ABCA13: variants seen among roughly 807,000 people sequenced by gnomAD.
ABCA13 encodes the protein ATP binding cassette subfamily A member 13.
In ABCA13, 476 loss-of-function variants were observed where a neutral mutation model predicts 478.7. The ratio of observed to expected loss-of-function variants is 0.99; its 90% CI spans 0.92 to 1.07. The LOEUF (loss-of-function observed/expected upper bound fraction) is 1.07, where lower values mean the gene tolerates loss of function less well. Among genes scored for constraint, ABCA13 ranks in the 50% least tolerant of loss-of-function variants. ABCA13 has a pLI of 0.00. For synonymous variants in ABCA13, 2,252 were observed against 2,158.9 expected (o/e 1.04, Z -1.20); for missense variants, 6,060 against 5,910.6 (o/e 1.03, Z -0.83).
At chr7:48,355,633 G>A (rs1809775807) in intron 31 of ABCA13, among the ~76,000 whole-genome samples, 1 of 152,004 alleles carries the variant, frequency 6.6e-6, no homozygotes, top group African/African-American at 2.4e-5. Flanking sequence ...AGAGATGATG[G>A]TGGCTTGGTC....
chr7:48,511,130 C>T lies in ABCA13; in HGVS notation c.13571C>T (p.Ala4524Val), dbSNP rs1349726465. 3.1e-6 allele frequency: 5 copies of T among 1,613,674 alleles called. No homozygotes were observed. The highest frequency in any genetic ancestry group is 4.5e-5 in the East Asian group (2 of 44,852). The change falls in exon 51 of 62, where the codon GCC (alanine) becomes GTC (valine). Residue 4524 changes from alanine (A) to valine (V), a missense_variant. Around this residue, in one of 3 missense-constraint regions of ABCA13, gnomAD observed 1,627 missense variants for 1,571.0 expected, o/e 1.04. Transcript: ENST00000435803. ...TGCCTGTGTGTTGCCGTTATTGTCG[C>T]CTTCCAGTTAACAGCTTTTACTTTC... ...SVCLCVAVIVAFQLTAFTFRK... is the reference protein window; with the variant it reads ...SVCLCVAVIVVFQLTAFTFRK...
At chr7:48,530,576 A>C (rs1213811377) in intron 55 of ABCA13, among the ~76,000 whole-genome samples, 1 of 152,170 alleles carries the variant, frequency 6.6e-6, no homozygotes, top group Non-Finnish European at 1.5e-5. Context: ...ACTGTTTTCT[A>C]TAGTGGTTGT....
At chr7:48,445,231 ACTC>A (rs1182740243) in intron 42 of ABCA13, among the ~76,000 whole-genome samples, 1 of 150,348 alleles carries the variant, frequency 6.7e-6, no homozygotes, top group African/African-American at 2.4e-5. Context: ...CTGGTCTTGA[ACTC>A]CTGACCTCAG....
intron 57 of ABCA13, among the ~76,000 whole-genome samples, chr7:48,588,711 C>A (rs1789441761): frequency 1.3e-5 from 2 of 152,188 alleles, no homozygotes; most frequent in African/African-American, 4.8e-5. Flanking sequence ...CTACATTAAG[C>A]ATATAGCCCA....
At position 48,645,484 on chromosome 7, in the gene ABCA13, G is replaced by A. The variant is rs887618250; in HGVS notation, c.15149G>A (p.Ser5050Asn). ...LQSTLDPSTD[S>N]HHTHHLPI ...TCTACTCTTGATCCATCCACTGACA[G>A]TCACCACACACATCACTTGCCCATC... is the stretch of plus-strand genomic sequence containing the variant. The change falls in exon 62 of 62, where the codon AGT (serine) becomes AAT (asparagine). Residue 5050 changes from serine (S) to asparagine (N), a missense_variant. Coordinates refer to ENST00000435803, the MANE Select transcript of ABCA13 (RefSeq NM_152701.5). The A allele has an allele frequency of 4.4e-6, 7 of 1,589,664 alleles. No individual in the cohort carries two copies. The Admixed American group carries it at 1.1e-4, about 24-fold the overall frequency.
chr7:48,274,864 G>C lies in ABCA13; in HGVS notation c.5198G>C (p.Arg1733Pro). The C allele has an allele frequency of 6.2e-7, 1 of 1,613,882 alleles. No homozygotes were observed. The highest frequency in any genetic ancestry group is 8.5e-7 in the Non-Finnish European group (1 of 1,179,844). ...WNVNHLLQLS[R>P]LFPKDVVDAV... Reference sequence around the variant, plus strand: ...GTTAATCATCTGCTGCAGCTCTCACGCCTGTTTCCTAAAGATGTTGTGGAT... The same window carrying C: ...GTTAATCATCTGCTGCAGCTCTCACCCCTGTTTCCTAAAGATGTTGTGGAT... The change falls in exon 17 of 62, where the codon CGC (arginine) becomes CCC (proline). Residue 1733 changes from arginine to proline, a missense_variant. Physicochemically the swap from Arg to Pro is moderately radical, Grantham distance 103 (BLOSUM62 -2). This residue lies in a region of ABCA13 where 4,423 missense variants were observed against 4,309.1 expected (regional missense o/e 1.03). Transcript: ENST00000435803.
At chr7:48,349,064 C>T (rs1808534194) in intron 29 of ABCA13, among the ~76,000 whole-genome samples, 1 of 152,204 alleles carries the variant, frequency 6.6e-6, no homozygotes, top group South Asian at 2.1e-4. Context: ...TTAAAATGAA[C>T]ATGCCACTAG....
intron 58 of ABCA13, among the ~76,000 whole-genome samples, chr7:48,610,263 C>T (rs183842028): frequency 1.5e-4 from 23 of 152,336 alleles, no homozygotes; most frequent in Admixed American, 1.2e-3. Context: ...AAGCCCAAAA[C>T]CCAGCAGAGT....
intron 16 of ABCA13, among the ~76,000 whole-genome samples, chr7:48,269,400 A>G (rs2128743174): frequency 1.3e-5 from 2 of 152,340 alleles, no homozygotes; most frequent in Non-Finnish European, 2.9e-5. Flanking sequence ...TTGTTTTGAA[A>G]AATTGTCTTA....
intron 5 of ABCA13, among the ~76,000 whole-genome samples, chr7:48,222,175 C>T (rs1029084804): frequency 6.6e-6 from 1 of 152,136 alleles, no homozygotes; most frequent in Non-Finnish European, 1.5e-5. Flanking sequence ...GAGTATTGAA[C>T]AAACACTCAT....
At position 48,206,611 on chromosome 7, in the gene ABCA13, A is replaced by T. The variant is rs561895446; in HGVS notation, c.287+8251A>T. ...CTGTTTTTTTGGTTAATTTTTAAAA[A>T]AAATTTTGTTTCTGAATATATATTT... On this transcript the variant is annotated intron_variant, in intron 3 of 61. Coordinates refer to ENST00000435803, the MANE Select transcript of ABCA13 (RefSeq NM_152701.5). 3.5e-5 allele frequency among the ~76,000 whole-genome samples: 5 copies of T among 144,832 alleles called. No homozygotes were observed. In the South Asian group the frequency reaches 1.1e-3, roughly 31 times the overall value.
Position 48,520,165 on chromosome 7 carries a change from G to A in ABCA13, c.13922G>A (p.Gly4641Asp), listed in dbSNP as rs777055837. ...AAATATGACCTGACCCACAACTTCG[G>A]CATTGATTCCTATGTGAGTCCCTTT... The part of the protein sequence containing the change: ...QIKYDLTHNF[G>D]IDSYVSPFEM... The change falls in exon 53 of 62, where the codon GGC becomes GAC. Residue 4641 changes from glycine to aspartate, a missense_variant. Gly to Asp is a moderately conservative substitution (Grantham distance 94). Coordinates refer to ENST00000435803, the MANE Select transcript of ABCA13 (RefSeq NM_152701.5). 3.7e-6 allele frequency: 6 copies of A among 1,613,710 alleles called. No individual in the cohort carries two copies. Among genetic ancestry groups the A allele is most frequent in the Middle Eastern group, 1.7e-4 (1 of 6,060 alleles).
At chr7:48,584,429 G>A (rs1461481169) in intron 56 of ABCA13, among the ~76,000 whole-genome samples, 2 of 152,124 alleles carry the variant, frequency 1.3e-5, no homozygotes, top group African/African-American at 4.8e-5. Flanking sequence ...GAGTTTGCAC[G>A]CTCTCTCCAT....
At chr7:48,617,075 T>C (rs2131576246) in intron 59 of ABCA13, among the ~76,000 whole-genome samples, 1 of 152,260 alleles carries the variant, frequency 6.6e-6, no homozygotes, top group East Asian at 1.9e-4. Context: ...TATTCTCCTA[T>C]AACTATAAAC....
chr7:48,249,086 T>C (rs2128690046), intron 14 of ABCA13, 126 bp from the exon 15 acceptor site: 1 of 769,638 alleles, frequency 1.3e-6, no homozygotes, highest in Non-Finnish European at 2.0e-6. Flanking sequence ...TGAAAGATTC[T>C]ATTTCCTTAC....
At chr7:48,383,888 CT>C (rs1292087705) in intron 35 of ABCA13, among the ~76,000 whole-genome samples, 2 of 152,304 alleles carry the variant, frequency 1.3e-5, no homozygotes. Context: ...TTTGAAAGTA[CT>C]GTTAATGGCT....
chr7:48,589,275 G>A (rs971295404), intron 57 of ABCA13, among the ~76,000 whole-genome samples: 1 of 152,108 alleles, frequency 6.6e-6, no homozygotes, highest in Admixed American at 6.5e-5. Context: ...GCTATCATAT[G>A]TCTTCCTAGG....
intron 3 of ABCA13, among the ~76,000 whole-genome samples, chr7:48,216,994 A>G (rs947275017): frequency 1.3e-5 from 2 of 152,164 alleles, no homozygotes; most frequent in Admixed American, 1.3e-4. Flanking sequence ...ATGTATTCCT[A>G]AGTAGTTAAT....
At chr7:48,327,118 C>G (rs1172442041) in intron 27 of ABCA13, among the ~76,000 whole-genome samples, 1 of 152,202 alleles carries the variant, frequency 6.6e-6, no homozygotes, top group Non-Finnish European at 1.5e-5. Flanking sequence ...TCCGTCCTCA[C>G]ACTGCTATGA....
Sources: gnomAD v4.1 joint callset for allele counts (sites outside exome capture counted in the v4.1 genomes callset) on GRCh38, gnomAD v4.1.1 for gene constraint, gnomAD v4.1.1 regional missense constraint, MANE v1.5 for transcripts, NCBI Gene and HGNC (gene_info 2026-07-23, HGNC 2026-07-21) for gene names.